TSPAN14: variants seen among roughly 807,000 people sequenced by gnomAD.
The protein encoded by TSPAN14 is tetraspanin 14, also known as tetraspanin-14.
In TSPAN14, 16 loss-of-function variants were observed where a neutral mutation model predicts 36.6. The observed-to-expected ratio is 0.44, with a 90% CI of 0.30 to 0.66. TSPAN14 has a LOEUF of 0.66. Ranked by LOEUF, TSPAN14 falls within the 30% of genes least tolerant of loss-of-function variation. TSPAN14 has a pLI of 0.12. For synonymous variants in TSPAN14, 139 were observed against 143.8 expected (o/e 0.97, Z 0.24); for missense variants, 231 against 355.1 (o/e 0.65, Z 2.81).
At chr10:80,495,243 T>G (rs1302367136) in intron 2 of TSPAN14, among the ~76,000 whole-genome samples, 1 of 152,172 alleles carries the variant, frequency 6.6e-6, no homozygotes, top group Non-Finnish European at 1.5e-5. Context: ...TCACAAGGTG[T>G]GTACATTGTT....
exon 9 of TSPAN14, chr10:80,519,978 G>A (rs966442805): frequency 2.0e-5 from 3 of 152,654 alleles, no homozygotes; most frequent in South Asian, 4.1e-4. Flanking sequence ...ACCCCTGTGC[G>A]ATACTATTTA....
rs150070619 is a variant in TSPAN14, at chr10:80,514,100, T to C, written c.621+37T>C. On this transcript the variant is annotated intron_variant, in intron 7 of 8. Coordinates refer to ENST00000429989, the Ensembl canonical transcript of TSPAN14. ...CATGTATACAACTTGAAGAGTTCTT[T>C]AGGTTTTATTCCCTGTGGTTCAACA... 21 of 1,568,990 alleles carry C rather than the reference T, an allele frequency of 1.3e-5. No homozygotes were observed. The African/African-American group carries it at 2.0e-4, about 15-fold the overall frequency.
intron 1 of TSPAN14, among the ~76,000 whole-genome samples, chr10:80,461,645 A>T (rs1195018207): frequency 6.6e-6 from 1 of 151,880 alleles, no homozygotes; most frequent in African/African-American, 2.4e-5. Context: ...GGTGTAGGGT[A>T]GCCCTGACGC....
Position 80,516,186 on chromosome 10 carries a change from T to C in TSPAN14, c.622-18T>C, listed in dbSNP as rs758224565. 6.2e-7 allele frequency: 1 copy of C among 1,614,162 alleles called. No individual in the cohort carries two copies. The highest frequency in any genetic ancestry group is 8.5e-7 in the Non-Finnish European group (1 of 1,180,018). ...CGTGTGTGCCAAAGGCTCAGACCCCTGTGGTGTTTTCCTGCAGCTGAAGAG... is the reference window on the plus strand; with the variant it reads ...CGTGTGTGCCAAAGGCTCAGACCCCCGTGGTGTTTTCCTGCAGCTGAAGAG... On this transcript the variant is annotated intron_variant, in intron 7 of 8. Transcript: ENST00000429989.
rs1847998270 is a variant in TSPAN14, at chr10:80,492,896, C to T, written c.81+3582C>T. On this transcript the variant is annotated intron_variant, in intron 2 of 8. Coordinates refer to ENST00000429989, the Ensembl canonical transcript of TSPAN14. ...GGTACCTAATAGATTTTTTTAAGCT[C>T]TCTTTCTGACTTTGGGGCCAAGGTT... Among the ~76,000 whole-genome samples the T allele has an allele frequency of 2.6e-5, 4 of 151,988 alleles. No homozygotes were observed. In the South Asian group the frequency reaches 8.3e-4, roughly 32 times the overall value.
intron 4 of TSPAN14, among the ~76,000 whole-genome samples, chr10:80,507,604 A>G (rs1840368294): frequency 6.6e-6 from 1 of 152,214 alleles, no homozygotes; most frequent in Non-Finnish European, 1.5e-5. Flanking sequence ...GGGAGGAGCC[A>G]GCTGCCTATA....
chr10:80,489,149 T>C, intron 1 of TSPAN14, 68 bp from the exon 2 acceptor site: 1 of 1,034,610 alleles, frequency 9.7e-7, no homozygotes, highest in Non-Finnish European at 1.5e-6. Context: ...AATCCGCATA[T>C]GAGCTGGTTT....
intron 6 of TSPAN14, 73 bp from the exon 7 acceptor site, chr10:80,513,946 G>T: frequency 1.5e-6 from 2 of 1,337,200 alleles, no homozygotes; most frequent in South Asian, 2.4e-5. Context: ...GTTTGGTTGT[G>T]ACTTTACTAG....
chr10:80,473,727 T>G (rs72819585), intron 1 of TSPAN14, among the ~76,000 whole-genome samples: 3,326 of 151,674 alleles, frequency 0.022, 42 homozygotes, highest in Middle Eastern at 0.034. Flanking sequence ...TTTTTCTTTT[T>G]TGTTGGAAAC....
At chr10:80,464,107 C>T (rs1324126921) in intron 1 of TSPAN14, among the ~76,000 whole-genome samples, 1 of 152,178 alleles carries the variant, frequency 6.6e-6, no homozygotes, top group Admixed American at 6.5e-5. Flanking sequence ...TTTGCAGGAC[C>T]TATGTGGGGT....
chr10:80,504,291 C>G (rs1373378611), intron 2 of TSPAN14, among the ~76,000 whole-genome samples: 1 of 152,208 alleles, frequency 6.6e-6, no homozygotes, highest in Non-Finnish European at 1.5e-5. Context: ...CCCCTGTCCT[C>G]ACCCTGTGGT....
chr10:80,475,872 G>A (rs921292175), intron 1 of TSPAN14, among the ~76,000 whole-genome samples: 4 of 151,964 alleles, frequency 2.6e-5, no homozygotes, highest in African/African-American at 7.3e-5. Flanking sequence ...GGCATGAGCC[G>A]TGGTGCCCGG....
intron 3 of TSPAN14, among the ~76,000 whole-genome samples, chr10:80,506,442 T>C (rs1236721258): frequency 1.3e-5 from 2 of 152,222 alleles, no homozygotes; most frequent in Non-Finnish European, 2.9e-5. Flanking sequence ...AGTTAAACTA[T>C]AACAGAGATC....
At chr10:80,461,927 TC>T (rs1845992771) in intron 1 of TSPAN14, among the ~76,000 whole-genome samples, 2 of 148,174 alleles carry the variant, frequency 1.3e-5, no homozygotes, top group African/African-American at 5.1e-5. Flanking sequence ...TTTTTTTTTT[TC>T]CTTCAGACAG....
intron 1 of TSPAN14, among the ~76,000 whole-genome samples, chr10:80,461,316 C>T (rs926739394): frequency 1.3e-5 from 2 of 152,200 alleles, no homozygotes; most frequent in African/African-American, 4.8e-5. Flanking sequence ...TGGATGGGGC[C>T]TTCCCTCCTT....
rs150226780 is a variant in TSPAN14 at position 80,511,372 on chromosome 10, G to A, written c.451-772G>A. ...AAGGGGTGAAAAGGGGAATTCACTT[G>A]CAAGTTTCTCAGGGAGGAAGAACAC... On this transcript the variant is annotated intron_variant, in intron 5 of 8. Transcript: ENST00000429989. Among the ~76,000 whole-genome samples, 123 of 152,280 alleles carry A rather than the reference G, an allele frequency of 8.1e-4. 3 individuals are homozygous for A. In the East Asian group the frequency reaches 0.022, roughly 27 times the overall value.
chr10:80,512,237 G>A, exon 6 of TSPAN14: 1 of 1,614,156 alleles, frequency 6.2e-7, no homozygotes, highest in East Asian at 2.2e-5. Flanking sequence ...GAAGTGCGGG[G>A]TCCCCTTCTC....
chr10:80,491,714 G>T (rs939631456), intron 2 of TSPAN14, among the ~76,000 whole-genome samples: 6 of 152,196 alleles, frequency 3.9e-5, no homozygotes, highest in Non-Finnish European at 7.3e-5. Flanking sequence ...TGGTTGAAGG[G>T]TGCTGCAGTG....
intron 5 of TSPAN14, among the ~76,000 whole-genome samples, chr10:80,511,724 CTCT>C (rs1840645162): frequency 1.4e-5 from 1 of 70,264 alleles, no homozygotes. Context: ...CTCTCTCTCT[CTCT>C]CTCTCTCTCT....
Sources: allele counts gnomAD v4.1 joint callset (sites outside exome capture counted in the v4.1 genomes callset), GRCh38; gene constraint gnomAD v4.1.1; transcripts MANE v1.5; gene names NCBI Gene and HGNC (gene_info 2026-07-23, HGNC 2026-07-21).